NCAM2: variants seen among roughly 807,000 people sequenced by gnomAD.
NCAM2 encodes neural cell adhesion molecule 2, also known as N-CAM-2.
A neutral mutation model predicts 98.1 loss-of-function variants in NCAM2; 30 were observed. The observed-to-expected ratio is 0.31, with a 90% CI of 0.23 to 0.41. NCAM2 has a LOEUF of 0.41. Among genes scored for constraint, NCAM2 ranks in the 10% least tolerant of loss-of-function variants. NCAM2 has a pLI of 1.00. For missense variants in NCAM2, 867 were observed against 1,005.8 expected (o/e 0.86, Z 1.87); for synonymous variants, 368 against 342.4 (o/e 1.07, Z -0.83).
At chr21:20,998,709 G>A in intron 1 of NCAM2, 91 bp downstream of exon 1, 1 of 1,232,490 alleles carries the variant, frequency 8.1e-7, no homozygotes, top group South Asian at 1.3e-5. Flanking sequence ...AGAATGAAAT[G>A]AAAGAACTAA....
intron 1 of NCAM2, among the ~76,000 whole-genome samples, chr21:21,076,168 A>G (rs1174967587): frequency 6.6e-6 from 1 of 152,086 alleles, no homozygotes; most frequent in Non-Finnish European, 1.5e-5. Context: ...CAAAAGTTCA[A>G]TAAAAGTATA....
chr21:21,051,563 C>T (rs1261002166), intron 1 of NCAM2, among the ~76,000 whole-genome samples: 5 of 152,142 alleles, frequency 3.3e-5, no homozygotes, highest in Non-Finnish European at 5.9e-5. Context: ...GTTTCTTAGG[C>T]TGTGTTAGGC....
chr21:21,126,236 TAAAAAAAA>T (rs778070776), intron 1 of NCAM2, among the ~76,000 whole-genome samples: 2 of 97,564 alleles, frequency 2.0e-5, no homozygotes, highest in Non-Finnish European at 3.9e-5. Context: ...TCATGGAACA[TAAAAAAAA>T]AAAAAAAAAA....
At chr21:21,327,573 A>G (rs562975039) in intron 6 of NCAM2, among the ~76,000 whole-genome samples, 2 of 152,258 alleles carry the variant, frequency 1.3e-5, no homozygotes, top group South Asian at 4.1e-4. Flanking sequence ...GGGACTGGAT[A>G]TGAGAATAGA....
At chr21:20,999,271 T>A (rs7510552) in intron 1 of NCAM2, among the ~76,000 whole-genome samples, 15,585 of 152,078 alleles carry the variant, frequency 0.1, 865 homozygotes, top group Non-Finnish European at 0.12. Flanking sequence ...AAAGGTGGAA[T>A]CATTTTATAA....
intron 1 of NCAM2, among the ~76,000 whole-genome samples, chr21:21,035,919 A>G (rs2064788222): frequency 6.6e-6 from 1 of 152,196 alleles, no homozygotes; most frequent in South Asian, 2.1e-4. Context: ...TAGCAATTTA[A>G]CATATCAGAT....
chr21:21,302,573 G>A (rs1003873255), intron 5 of NCAM2, among the ~76,000 whole-genome samples: 1 of 152,074 alleles, frequency 6.6e-6, no homozygotes, highest in Non-Finnish European at 1.5e-5. Flanking sequence ...ACACCACTCA[G>A]AAGGCTATTA....
chr21:21,058,144 C>CAAAAAAAAA (rs56355387), intron 1 of NCAM2, among the ~76,000 whole-genome samples: 7 of 104,458 alleles, frequency 6.7e-5, no homozygotes, highest in Admixed American at 1.0e-4. Context: ...TAAGTCTCTT[C>CAAAAAAAAA]AAAAAAAAAA....
chr21:21,538,492 A>T lies in NCAM2; in HGVS notation c.*535A>T, dbSNP rs1990101761. 6.5e-6 allele frequency: 1 copy of T among 152,712 alleles called. No individual in the cohort carries two copies. The highest frequency in any genetic ancestry group is 1.9e-4 in the East Asian group (1 of 5,178). 9.5% of individuals were successfully genotyped at this position (152,712 alleles called of 1,614,324 possible). A position where few individuals can be genotyped will look rare whatever the true frequency, so the allele number is the denominator to read the frequency against. ...TCAAAGAGCCAGTTATCTTTAGCAG[A>T]TATTAAAAATTGAAAACTTTGGAGA... On this transcript the variant is annotated 3_prime_UTR_variant, in exon 18 of 18. Transcript: ENST00000400546.
intron 1 of NCAM2, among the ~76,000 whole-genome samples, chr21:21,026,117 G>A (rs1322138187): frequency 6.6e-6 from 1 of 152,134 alleles, no homozygotes; most frequent in Non-Finnish European, 1.5e-5. Context: ...TTGTTCTAGA[G>A]GTGTGATGAT....
intron 1 of NCAM2, among the ~76,000 whole-genome samples, chr21:21,028,972 A>C (rs1354132304): frequency 6.6e-6 from 1 of 152,232 alleles, no homozygotes; most frequent in African/African-American, 2.4e-5. Flanking sequence ...AAAATTCAGC[A>C]TGGAAAACTG....
intron 12 of NCAM2, among the ~76,000 whole-genome samples, chr21:21,452,210 A>T (rs949659323): frequency 9.8e-6 from 1 of 102,188 alleles, no homozygotes; most frequent in Non-Finnish European, 2.5e-5. Context: ...ATGTATGTAC[A>T]CACACATATA....
intron 1 of NCAM2, among the ~76,000 whole-genome samples, chr21:21,089,652 T>G (rs892156153): frequency 6.6e-6 from 1 of 152,160 alleles, no homozygotes; most frequent in African/African-American, 2.4e-5. Context: ...CTGTTTTCTC[T>G]ATGTTTATAT....
In NCAM2 at chr21:21,530,650, G is replaced by A. The variant is rs574900995; in HGVS notation, c.2283-3887G>A. On this transcript the variant is annotated intron_variant, in intron 16 of 17. Coordinates refer to ENST00000400546, the MANE Select transcript of NCAM2 (RefSeq NM_004540.5). ...CACATAGAAATGCAGCTGCAATAAT[G>A]TTCCATTTCAGCACATAAATCTCTT... Among the ~76,000 whole-genome samples, 17 of 151,560 alleles carry A rather than the reference G, an allele frequency of 1.1e-4. No homozygotes were observed. The East Asian group carries it at 2.9e-3, about 26-fold the overall frequency.
chr21:21,376,721 T>G (rs1321032101), intron 9 of NCAM2, among the ~76,000 whole-genome samples: 1 of 151,826 alleles, frequency 6.6e-6, no homozygotes, highest in African/African-American at 2.4e-5. Flanking sequence ...TACAAGTTGC[T>G]TTTGATCACA....
chr21:21,086,121 A>G (rs1389769828), intron 1 of NCAM2, among the ~76,000 whole-genome samples: 1 of 152,216 alleles, frequency 6.6e-6, no homozygotes, highest in African/African-American at 2.4e-5. Context: ...CATTCTTTAC[A>G]TGAGATAGAA....
chr21:21,118,466 A>C (rs2066608403), intron 1 of NCAM2, among the ~76,000 whole-genome samples: 1 of 152,160 alleles, frequency 6.6e-6, no homozygotes, highest in Admixed American at 6.5e-5. Context: ...TAGCCAGTTC[A>C]GACAAGCTAA....
At chr21:21,231,950 T>C (rs923961128) in intron 1 of NCAM2, among the ~76,000 whole-genome samples, 1 of 151,618 alleles carries the variant, frequency 6.6e-6, no homozygotes, top group Non-Finnish European at 1.5e-5. Flanking sequence ...CTTGATATTT[T>C]ACCATTATAA....
At chr21:21,500,401 C>A (rs1987550535) in intron 15 of NCAM2, among the ~76,000 whole-genome samples, 1 of 152,026 alleles carries the variant, frequency 6.6e-6, no homozygotes. Flanking sequence ...GCAAGAGGCC[C>A]CACCTGGTGT....
Sources: allele counts gnomAD v4.1 joint callset (sites outside exome capture counted in the v4.1 genomes callset), GRCh38; gene constraint gnomAD v4.1.1; transcripts MANE v1.5; gene names NCBI Gene and HGNC (gene_info 2026-07-23, HGNC 2026-07-21).